The following FAM107A variants were observed in gnomAD, a reference collection of about 807,000 sequenced individuals.
FAM107A encodes family with sequence similarity 107 member A.
A neutral mutation model predicts 13.7 loss-of-function variants in FAM107A; 19 were observed. The ratio of observed to expected loss-of-function variants is 1.38; its 90% CI spans 0.97 to 2.03. The LOEUF is 2.03. FAM107A is among the 30% of genes most tolerant of loss of function. The probability of loss-of-function intolerance (pLI) is 0.00; values close to 1 mark genes in which losing one functional copy is unlikely to be tolerated. For synonymous variants in FAM107A, 82 were observed against 74.5 expected (o/e 1.10, Z -0.52); for missense variants, 203 against 184.4 (o/e 1.10, Z -0.58).
chr3:58,619,929 A>C (rs1213418556), intron 1 of FAM107A, among the ~76,000 whole-genome samples: 1 of 152,030 alleles, frequency 6.6e-6, no homozygotes, highest in African/African-American at 2.4e-5. Flanking sequence ...CCTTAGAGAC[A>C]TTGGAGGGGA....
chr3:58,567,004 G>A, intron 3 of FAM107A: 1 of 636,712 alleles, frequency 1.6e-6, no homozygotes, highest in Non-Finnish European at 2.8e-6. Context: ...GGCCAGTGAG[G>A]AAGCTGAGGT....
intron 1 of FAM107A, among the ~76,000 whole-genome samples, chr3:58,570,763 A>T (rs1269777663): frequency 6.6e-6 from 1 of 152,218 alleles, no homozygotes; most frequent in Non-Finnish European, 1.5e-5. Flanking sequence ...AGCTTTGCAG[A>T]GGTTGAGCTC....
Position 58,599,032 on chromosome 3 carries a change from C to A in FAM107A, c.-69-9763G>T, listed in dbSNP as rs147123312. Among the ~76,000 whole-genome samples the A allele has an allele frequency of 4.3e-3, 650 of 152,244 alleles. 5 individuals are homozygous for A. The highest frequency in any genetic ancestry group is 8.4e-3 in the Admixed American group (128 of 15,290). On this transcript the variant is annotated intron_variant, in intron 1 of 3. Transcript: ENST00000465970. ...TCTCGGCTCACTGTGACCTCCGCCT[C>A]CCAGGTTCAAGCAATTCTCCTGCCT...
intron 1 of FAM107A, among the ~76,000 whole-genome samples, chr3:58,615,480 G>A (rs112796443): frequency 4.6e-5 from 7 of 152,292 alleles, no homozygotes; most frequent in African/African-American, 1.7e-4. Flanking sequence ...GAGACAACAT[G>A]CTGATGGGGA....
At chr3:58,614,731 C>A (rs2065885829) in intron 1 of FAM107A, among the ~76,000 whole-genome samples, 1 of 152,156 alleles carries the variant, frequency 6.6e-6, no homozygotes, top group African/African-American at 2.4e-5. Flanking sequence ...TCTTGAACTC[C>A]TGACGTCAAG....
chr3:58,609,089 C>T (rs1228351563), intron 1 of FAM107A: 1 of 152,018 alleles, frequency 6.6e-6, no homozygotes, highest in Non-Finnish European at 1.5e-5. Context: ...GGAAAGGGGA[C>T]AAGGAGGCCC....
At chr3:58,589,198 T>A, upstream of FAM107A, 1 of 1,526,674 alleles carries the variant, frequency 6.6e-7, no homozygotes, top group South Asian at 1.2e-5. Context: ...CTAGCGGGTC[T>A]GACTTACCTG....
chr3:58,616,592 TCAC>T (rs1327751517), intron 1 of FAM107A, among the ~76,000 whole-genome samples: 14 of 137,174 alleles, frequency 1.0e-4, no homozygotes, highest in Admixed American at 8.7e-4. Context: ...ACCACCACCA[TCAC>T]CACCACCACC....
At chr3:58,616,710 C>T (rs1164589166) in intron 1 of FAM107A, among the ~76,000 whole-genome samples, 2 of 152,048 alleles carry the variant, frequency 1.3e-5, no homozygotes, top group African/African-American at 2.4e-5. Flanking sequence ...CACTCCCTGC[C>T]GACACCCTGA....
At chr3:58,599,391 C>T (rs191203160) in intron 1 of FAM107A, among the ~76,000 whole-genome samples, 58 of 152,330 alleles carry the variant, frequency 3.8e-4, no homozygotes, top group South Asian at 2.1e-4. Flanking sequence ...TTAGTAGATG[C>T]TGCCAAATTA....
chr3:58,624,850 G>A (rs2065996253), intron 1 of FAM107A, among the ~76,000 whole-genome samples: 1 of 152,084 alleles, frequency 6.6e-6, no homozygotes, highest in South Asian at 2.1e-4. Flanking sequence ...ACTATTTTTT[G>A]CCTGCCTATT....
At chr3:58,607,485 T>C (rs2065805863) in intron 1 of FAM107A, among the ~76,000 whole-genome samples, 1 of 151,750 alleles carries the variant, frequency 6.6e-6, no homozygotes, top group African/African-American at 2.4e-5. Flanking sequence ...GAGTAGAGGG[T>C]GGGTGGGAGC....
intron 1 of FAM107A, among the ~76,000 whole-genome samples, chr3:58,585,403 G>T (rs573470049): frequency 1.3e-5 from 2 of 152,360 alleles, no homozygotes; most frequent in South Asian, 4.1e-4. Flanking sequence ...GGAAGGCGCC[G>T]CCAGTCCTGA....
In FAM107A at chr3:58,569,569, C is replaced by T; in HGVS notation, c.170+122G>A. 1 of 814,758 alleles carries T rather than the reference C, an allele frequency of 1.2e-6. No individual in the cohort carries two copies. Among genetic ancestry groups the T allele is most frequent in the Non-Finnish European group, 1.9e-6 (1 of 513,348 alleles). The allele number at this position is 814,758 out of a possible 1,614,324, so 50.5% of individuals were successfully genotyped here. On this transcript the variant is annotated intron_variant, in intron 2 of 3. Coordinates refer to ENST00000360997, the MANE Select transcript of FAM107A (RefSeq NM_001076778.3). The surrounding 1 kb of genome is among the most constrained non-coding windows in gnomAD (Gnocchi z 5.7). ...CCGGTGATCATGTGGGGCACCTCAG[C>T]CTTCCTCAGTCTCCAGGAGCCCCAG...
intron 1 of FAM107A, chr3:58,586,816 T>G (rs935165898): frequency 4.6e-6 from 7 of 1,510,740 alleles, no homozygotes; most frequent in Non-Finnish European, 6.2e-6. Context: ...AGAGCCCTCC[T>G]CGCCCACTTC....
intron 1 of FAM107A, among the ~76,000 whole-genome samples, chr3:58,612,561 C>CAG (rs755289026): frequency 2.6e-4 from 38 of 147,524 alleles, no homozygotes; most frequent in East Asian, 1.2e-3. Context: ...GCCTGGGTGA[C>CAG]AGAGAGAGAG....
At chr3:58,619,592 G>A (rs1033298689) in intron 1 of FAM107A, among the ~76,000 whole-genome samples, 4 of 152,112 alleles carry the variant, frequency 2.6e-5, no homozygotes, top group African/African-American at 7.2e-5. Context: ...TTACCTCTCG[G>A]CCTCGTGGGT....
At chr3:58,626,286 C>T (rs1418213254) in intron 1 of FAM107A, among the ~76,000 whole-genome samples, 1 of 152,170 alleles carries the variant, frequency 6.6e-6, no homozygotes, top group Non-Finnish European at 1.5e-5. Flanking sequence ...CTACTCCCCA[C>T]CCCAGGATGC....
At chr3:58,593,040 G>T (rs780379488) in intron 1 of FAM107A, among the ~76,000 whole-genome samples, 1 of 151,984 alleles carries the variant, frequency 6.6e-6, no homozygotes, top group African/African-American at 2.4e-5. Context: ...CTACAACCTC[G>T]GTGGACCGGA....
Sources: allele counts gnomAD v4.1 joint callset (sites outside exome capture counted in the v4.1 genomes callset), GRCh38; gene constraint gnomAD v4.1.1; non-coding constraint Gnocchi (gnomAD v3.1); transcripts MANE v1.5; gene names NCBI Gene and HGNC (gene_info 2026-07-23, HGNC 2026-07-21).